Variants in TOX observed in about 807,000 individuals in gnomAD.
TOX encodes the protein thymocyte selection-associated high mobility group box protein TOX.
A neutral mutation model predicts 53.7 loss-of-function variants in TOX; 11 were observed. The observed-to-expected ratio is 0.20, with a 90% CI of 0.13 to 0.34. The LOEUF (loss-of-function observed/expected upper bound fraction) is 0.34. Ranked by LOEUF, TOX falls within the 10% of genes least tolerant of loss-of-function variation. The pLI is 1.00. For synonymous variants in TOX, 225 were observed against 245.3 expected (o/e 0.92, Z 0.77); for missense variants, 570 against 664.6 (o/e 0.86, Z 1.56).
At chr8:58,812,026 C>G (rs1810086569) in intron 7 of TOX, among the ~76,000 whole-genome samples, 1 of 152,174 alleles carries the variant, frequency 6.6e-6, no homozygotes, top group African/African-American at 2.4e-5. Flanking sequence ...TTCTCTCTCT[C>G]TGTCTGGTGT....
intron 1 of TOX, among the ~76,000 whole-genome samples, chr8:59,098,081 G>C (rs1804743506): frequency 2.0e-5 from 3 of 152,094 alleles, no homozygotes; most frequent in Admixed American, 2.0e-4. Context: ...AAATCCAAGA[G>C]TGACAATGAG....
intron 2 of TOX, among the ~76,000 whole-genome samples, chr8:58,959,674 T>C (rs1812769319): frequency 6.6e-6 from 1 of 152,238 alleles, no homozygotes; most frequent in Non-Finnish European, 1.5e-5. Context: ...TTCCTAAAGG[T>C]AAAACAACTG....
intron 1 of TOX, among the ~76,000 whole-genome samples, chr8:59,105,343 C>A (rs925284631): frequency 2.6e-5 from 4 of 152,130 alleles, no homozygotes; most frequent in Non-Finnish European, 5.9e-5. Context: ...AAGTGAAATG[C>A]ATTCAGCTGA....
chr8:59,059,906 TAA>T (rs35899535), intron 1 of TOX, among the ~76,000 whole-genome samples: 326 of 145,794 alleles, frequency 2.2e-3, no homozygotes, highest in Non-Finnish European at 2.2e-3. Flanking sequence ...TGTTATGTTG[TAA>T]AAAAAAAAAA....
intron 1 of TOX, among the ~76,000 whole-genome samples, chr8:59,043,508 C>A (rs1304554019): frequency 6.6e-6 from 1 of 151,916 alleles, no homozygotes; most frequent in Non-Finnish European, 1.5e-5. Flanking sequence ...ATATAATAAA[C>A]TATATAGCTA....
intron 4 of TOX, among the ~76,000 whole-genome samples, chr8:58,850,861 C>T (rs16924069): frequency 0.12 from 18,690 of 152,192 alleles, 1,337 homozygotes; most frequent in Middle Eastern, 0.18. Flanking sequence ...AGCATGTTTA[C>T]AGTTTAATTT....
intron 2 of TOX, among the ~76,000 whole-genome samples, chr8:58,953,221 T>C (rs946340902): frequency 2.6e-5 from 4 of 152,120 alleles, no homozygotes; most frequent in African/African-American, 9.7e-5. Context: ...GAAAGGCCAA[T>C]GTGTGTTTGA....
chr8:59,107,535 T>C (rs1029250977), intron 1 of TOX, among the ~76,000 whole-genome samples: 1 of 152,210 alleles, frequency 6.6e-6, no homozygotes, highest in Admixed American at 6.5e-5. Flanking sequence ...TTCTTACTTA[T>C]CATGCTCTGT....
chr8:58,891,117 T>A (rs1311847254), intron 3 of TOX, among the ~76,000 whole-genome samples: 1 of 151,590 alleles, frequency 6.6e-6, no homozygotes, highest in African/African-American at 2.4e-5. Context: ...AAGTATGGGG[T>A]GATAAAGAGA....
At chr8:58,828,002 AAT>A (rs1810393076) in intron 5 of TOX, among the ~76,000 whole-genome samples, 1 of 152,244 alleles carries the variant, frequency 6.6e-6, no homozygotes, top group African/African-American at 2.4e-5. Flanking sequence ...AGGCTTGGCT[AAT>A]ATTTTGTAAT....
At chr8:58,981,835 G>A (rs566361110) in intron 1 of TOX, among the ~76,000 whole-genome samples, 1 of 152,122 alleles carries the variant, frequency 6.6e-6, no homozygotes, top group Admixed American at 6.5e-5. Context: ...CCATTCTTAA[G>A]AATAATCCTT....
At chr8:59,007,487 G>GA (rs373186716) in intron 1 of TOX, among the ~76,000 whole-genome samples, 9 of 151,332 alleles carry the variant, frequency 5.9e-5, no homozygotes, top group South Asian at 2.1e-4. Context: ...CCTATTTTCA[G>GA]AAAAAAAATA....
At chr8:59,104,838 C>T (rs1563447901) in intron 1 of TOX, among the ~76,000 whole-genome samples, 1 of 152,174 alleles carries the variant, frequency 6.6e-6, no homozygotes, top group Non-Finnish European at 1.5e-5. Context: ...ACAGGGATTC[C>T]TCCAACTTCA....
chr8:58,828,955 G>A (rs866585791), intron 5 of TOX, among the ~76,000 whole-genome samples: 2 of 152,146 alleles, frequency 1.3e-5, no homozygotes, highest in South Asian at 2.1e-4. Context: ...TTTCTATCAT[G>A]CTTTTATTAA....
At chr8:58,985,553 CAT>C (rs1466979245) in intron 1 of TOX, among the ~76,000 whole-genome samples, 2 of 152,046 alleles carry the variant, frequency 1.3e-5, no homozygotes, top group East Asian at 1.9e-4. Flanking sequence ...CAAGATGAAA[CAT>C]GTACTGGAGA....
intron 7 of TOX, among the ~76,000 whole-genome samples, chr8:58,808,850 C>G (rs1330880782): frequency 1.3e-5 from 2 of 152,120 alleles, no homozygotes; most frequent in Admixed American, 6.6e-5. Flanking sequence ...TGGACTAATA[C>G]AGGGAAAAGA....
intron 1 of TOX, among the ~76,000 whole-genome samples, chr8:58,980,387 C>T (rs1290924307): frequency 6.6e-6 from 1 of 152,024 alleles, no homozygotes; most frequent in East Asian, 1.9e-4. Flanking sequence ...AGTGATCTGT[C>T]CAATACTGGA....
At chr8:59,064,047 C>A (rs534215555) in intron 1 of TOX, among the ~76,000 whole-genome samples, 6 of 152,164 alleles carry the variant, frequency 3.9e-5, no homozygotes, top group Middle Eastern at 3.4e-3. Flanking sequence ...AGTCCTTTGA[C>A]TCATTCCACT....
intron 1 of TOX, among the ~76,000 whole-genome samples, chr8:59,050,945 G>A (rs923055855): frequency 6.6e-6 from 1 of 152,080 alleles, no homozygotes; most frequent in Non-Finnish European, 1.5e-5. Flanking sequence ...TAACATTTAT[G>A]AGAGTCTATT....
Sources: gnomAD v4.1 joint callset for allele counts (sites outside exome capture counted in the v4.1 genomes callset) on GRCh38, gnomAD v4.1.1 for gene constraint, MANE v1.5 for transcripts, NCBI Gene and HGNC (gene_info 2026-07-23, HGNC 2026-07-21) for gene names.